SIPA1L2: variants seen among roughly 807,000 people sequenced by gnomAD.
SIPA1L2 encodes signal-induced proliferation-associated 1-like protein 2.
A neutral mutation model predicts 163.9 loss-of-function variants in SIPA1L2; 56 were observed. The ratio of observed to expected loss-of-function variants is 0.34; its 90% CI spans 0.28 to 0.43. The LOEUF is 0.43. Among genes scored for constraint, SIPA1L2 ranks in the 20% least tolerant of loss-of-function variants. The pLI is 1.00. For synonymous variants in SIPA1L2, 877 were observed against 865.7 expected, an observed-to-expected ratio of 1.01 and a Z score of -0.23; for missense variants, 1,974 against 2,193.5, an observed-to-expected ratio of 0.90 and a Z score of 2.00.
chr1:232,445,467 T>C lies in SIPA1L2; in HGVS notation c.3353+62A>G, dbSNP rs550216349. On this transcript the variant is annotated intron_variant, in intron 11 of 22. Transcript: ENST00000674635. ...TGATTAAGCAAAACCCTCCCTACAA[T>C]GTCAAGTTCTCACCCCAGTGATTTA... 156 of 1,603,634 alleles carry C rather than the reference T, an allele frequency of 9.7e-5. 2 individuals are homozygous for C. In the South Asian group the frequency reaches 1.7e-3, roughly 17 times the overall value.
chr1:232,570,945 T>TA (rs11300623), intron 2 of SIPA1L2, among the ~76,000 whole-genome samples: 5,120 of 76,760 alleles, frequency 0.067, 112 homozygotes, highest in Middle Eastern at 0.13. Context: ...CCAGAAACTA[T>TA]AAAAAAAAAA....
intron 1 of SIPA1L2, among the ~76,000 whole-genome samples, chr1:232,605,234 A>G (rs6697289): frequency 0.76 from 115,267 of 152,050 alleles, 43,786 homozygotes; most frequent in East Asian, 0.84. Flanking sequence ...GTCTGGTGTC[A>G]AACTCCTGGG....
At chr1:232,440,526 C>T (rs953009367) in intron 14 of SIPA1L2, among the ~76,000 whole-genome samples, 6 of 152,200 alleles carry the variant, frequency 3.9e-5, no homozygotes, top group Non-Finnish European at 5.9e-5. Flanking sequence ...TGACTCAAGA[C>T]AAGGTCGCGG....
At chr1:232,453,549 G>C (rs1663712228) in intron 10 of SIPA1L2, among the ~76,000 whole-genome samples, 1 of 152,148 alleles carries the variant, frequency 6.6e-6, no homozygotes, top group African/African-American at 2.4e-5. Flanking sequence ...CACCACCTTA[G>C]CATGTGTAGC....
At chr1:232,420,784 G>C (rs540571462) in intron 18 of SIPA1L2, among the ~76,000 whole-genome samples, 2 of 152,084 alleles carry the variant, frequency 1.3e-5, no homozygotes, top group Non-Finnish European at 2.9e-5. Flanking sequence ...GCAGTGAGCC[G>C]AGATTGTGCC....
chr1:232,603,746 G>A (rs1661737744), intron 1 of SIPA1L2, among the ~76,000 whole-genome samples: 1 of 152,022 alleles, frequency 6.6e-6, no homozygotes, highest in South Asian at 2.1e-4. Context: ...ATCCACTGAT[G>A]CAGGTGACCA....
intron 1 of SIPA1L2, among the ~76,000 whole-genome samples, chr1:232,612,254 T>TA (rs1662278387): frequency 6.6e-6 from 1 of 152,136 alleles, no homozygotes; most frequent in Non-Finnish European, 1.5e-5. Flanking sequence ...TAGGGCAGTG[T>TA]AAAAGGGAAA....
intron 16 of SIPA1L2, among the ~76,000 whole-genome samples, chr1:232,431,413 GATC>G (rs1366948019): frequency 1.3e-5 from 2 of 152,072 alleles, no homozygotes; most frequent in Non-Finnish European, 1.5e-5. Context: ...TAAGACACAG[GATC>G]ATTTTTTTTA....
chr1:232,399,931 C>T (rs962679500), intron 22 of SIPA1L2, among the ~76,000 whole-genome samples: 3 of 152,102 alleles, frequency 2.0e-5, no homozygotes, highest in Non-Finnish European at 2.9e-5. Flanking sequence ...ATTTCTGTAA[C>T]GGGATCTAAC....
chr1:232,511,776 G>T (rs1297052260), intron 3 of SIPA1L2, among the ~76,000 whole-genome samples: 1 of 151,750 alleles, frequency 6.6e-6, no homozygotes, highest in East Asian at 1.9e-4. Context: ...AAAAACCCTA[G>T]AAGAAAACCT....
chr1:232,425,243 C>T (rs1233542604), intron 18 of SIPA1L2, among the ~76,000 whole-genome samples: 2 of 151,024 alleles, frequency 1.3e-5, no homozygotes, highest in Non-Finnish European at 3.0e-5. Flanking sequence ...AAACCCACTC[C>T]TTACATCAGT....
At chr1:232,508,197 A>G (rs1666816527) in intron 3 of SIPA1L2, among the ~76,000 whole-genome samples, 1 of 152,166 alleles carries the variant, frequency 6.6e-6, no homozygotes, top group Admixed American at 6.5e-5. Context: ...TGATTTAGCC[A>G]CTTTTCACTT....
intron 2 of SIPA1L2, among the ~76,000 whole-genome samples, chr1:232,530,279 A>G (rs148857038): frequency 6.6e-6 from 1 of 151,948 alleles, no homozygotes; most frequent in African/African-American, 2.4e-5. Flanking sequence ...ACGCCCGGCT[A>G]ATTTTTTTGT....
At chr1:232,414,035 C>T (rs1052902884) in intron 19 of SIPA1L2, among the ~76,000 whole-genome samples, 1 of 152,150 alleles carries the variant, frequency 6.6e-6, no homozygotes, top group Non-Finnish European at 1.5e-5. Flanking sequence ...ACAACTAGAC[C>T]ACCAGCCTGG....
chr1:232,505,657 C>T (rs1000179553), intron 3 of SIPA1L2, among the ~76,000 whole-genome samples: 2 of 152,084 alleles, frequency 1.3e-5, no homozygotes, highest in Non-Finnish European at 2.9e-5. Context: ...TGTTTTCCAC[C>T]GACGGCCACA....
chr1:232,408,301 T>TA (rs397954728), intron 19 of SIPA1L2, among the ~76,000 whole-genome samples: 3 of 151,878 alleles, frequency 2.0e-5, no homozygotes, highest in Non-Finnish European at 2.9e-5. Context: ...TTTTTTTTTT[T>TA]AAACTGTTTG....
chr1:232,607,285 T>C (rs1209649130), intron 1 of SIPA1L2, among the ~76,000 whole-genome samples: 4 of 152,206 alleles, frequency 2.6e-5, no homozygotes, highest in African/African-American at 9.7e-5. Context: ...CAAGAAAATG[T>C]TTTCATTTAA....
intron 4 of SIPA1L2, among the ~76,000 whole-genome samples, chr1:232,493,306 G>C (rs1197332874): frequency 2.6e-5 from 4 of 152,124 alleles, no homozygotes; most frequent in African/African-American, 7.2e-5. Flanking sequence ...CTTTATAGTA[G>C]TGTGAGAATG....
rs1661203300 is a variant in SIPA1L2, at chr1:232,415,633, G to A, written c.4631-8C>T. On this transcript the variant is annotated splice_polypyrimidine_tract_variant and splice_region_variant and intron_variant, in intron 18 of 22. Coordinates refer to ENST00000674635, the MANE Select transcript of SIPA1L2 (RefSeq NM_020808.5). The stretch of plus-strand genomic sequence containing the variant: ...CGGAGAACCAGAACTCATCTAAACA[G>A]AAACAAAACCAGAGAGTCAGTCATC... 6.2e-7 allele frequency: 1 copy of A among 1,613,712 alleles called. No individual in the cohort carries two copies. Among genetic ancestry groups the A allele is most frequent in the African/African-American group, 1.3e-5 (1 of 74,926 alleles).
Sources: gnomAD v4.1 joint callset for allele counts (sites outside exome capture counted in the v4.1 genomes callset) on GRCh38, gnomAD v4.1.1 for gene constraint, MANE v1.5 for transcripts, NCBI Gene and HGNC (gene_info 2026-07-23, HGNC 2026-07-21) for gene names.